The following ELAVL4 variants were observed in gnomAD, a reference collection of about 807,000 sequenced individuals.
ELAVL4 encodes the protein ELAV-like protein 4.
ELAVL4 carries 1 observed loss-of-function variant against 35.6 expected under a neutral mutation model. The observed-to-expected ratio is 0.03, with a 90% CI of 0.01 to 0.13. The LOEUF (loss-of-function observed/expected upper bound fraction) is 0.13, where lower values mean the gene tolerates loss of function less well. ELAVL4 is among the 10% of genes least tolerant of loss of function. The probability of loss-of-function intolerance (pLI) is 1.00; values close to 1 mark genes in which losing one functional copy is unlikely to be tolerated. For missense variants in ELAVL4, 267 were observed against 464.9 expected, an observed-to-expected ratio of 0.57 and a Z score of 3.91; for synonymous variants, 156 against 171.0, an observed-to-expected ratio of 0.91 and a Z score of 0.69.
chr1:50,147,732 A>G (rs904864045), intron 2 of ELAVL4, among the ~76,000 whole-genome samples: 1 of 152,160 alleles, frequency 6.6e-6, no homozygotes, highest in African/African-American at 2.4e-5. Flanking sequence ...ATCTCAATGC[A>G]TCTCGATCCT....
chr1:50,200,884 C>T lies in ELAVL4; in HGVS notation c.807C>T (p.Ser269=). 6.2e-7 allele frequency: 1 copy of T among 1,613,910 alleles called. No homozygotes were observed. Residue 269 remains serine (S), a synonymous_variant, in exon 7 of 7, where the codon AGC becomes AGT. Transcript: ENST00000371824. The part of the protein sequence containing the change: ...FSPITIDGMT[S]LVGMNIPGHT... ...CAATTACCATTGATGGAATGACAAGCCTTGTGGGAATGAACATCCCTGGTC... is the reference window on the plus strand; with the variant it reads ...CAATTACCATTGATGGAATGACAAGTCTTGTGGGAATGAACATCCCTGGTC...
intron 1 of ELAVL4, among the ~76,000 whole-genome samples, chr1:50,066,135 G>A (rs1664252203): frequency 1.3e-5 from 2 of 152,106 alleles, no homozygotes; most frequent in Non-Finnish European, 2.9e-5. Flanking sequence ...TAGTTTTGCA[G>A]TTGATCTACC....
intron 2 of ELAVL4, among the ~76,000 whole-genome samples, chr1:50,166,411 T>C (rs1202899580): frequency 6.6e-6 from 1 of 152,198 alleles, no homozygotes; most frequent in African/African-American, 2.4e-5. Context: ...ATAAATCTTA[T>C]GTCACATGAT....
intron 2 of ELAVL4, among the ~76,000 whole-genome samples, chr1:50,161,642 G>A (rs1197047661): frequency 6.6e-6 from 1 of 152,192 alleles, no homozygotes; most frequent in African/African-American, 2.4e-5. Flanking sequence ...GTCATTTGGA[G>A]CAATTTATTT....
intron 1 of ELAVL4, among the ~76,000 whole-genome samples, chr1:50,059,183 C>A (rs1485029205): frequency 1.3e-5 from 2 of 152,094 alleles, no homozygotes; most frequent in Non-Finnish European, 2.9e-5. Flanking sequence ...AAATATCAAT[C>A]ATATTTCTCT....
intron 1 of ELAVL4, among the ~76,000 whole-genome samples, chr1:50,079,219 A>T (rs1350778530): frequency 6.6e-6 from 1 of 152,032 alleles, no homozygotes; most frequent in Non-Finnish European, 1.5e-5. Flanking sequence ...GTGCCACTAC[A>T]CCTAGCTCTC....
intron 1 of ELAVL4, among the ~76,000 whole-genome samples, chr1:50,129,956 A>G (rs1473456488): frequency 6.6e-6 from 1 of 152,120 alleles, no homozygotes; most frequent in Non-Finnish European, 1.5e-5. Flanking sequence ...GACAGATAGA[A>G]TTGTTCACAT....
chr1:50,192,350 G>A (rs932573415), intron 3 of ELAVL4, among the ~76,000 whole-genome samples: 4 of 152,136 alleles, frequency 2.6e-5, no homozygotes, highest in Non-Finnish European at 4.4e-5. Flanking sequence ...AAGGGGGAGA[G>A]TGCCATGGAT....
chr1:50,190,885 G>A (rs569609725), intron 3 of ELAVL4, among the ~76,000 whole-genome samples: 5 of 152,126 alleles, frequency 3.3e-5, no homozygotes, highest in South Asian at 2.1e-4. Context: ...ATTTGTCCTC[G>A]TGACAGAGGA....
chr1:50,088,374 T>C (rs1267028552), intron 1 of ELAVL4, among the ~76,000 whole-genome samples: 1 of 152,184 alleles, frequency 6.6e-6, no homozygotes. Flanking sequence ...GACTTATTCA[T>C]TAACATTTGT....
chr1:50,171,451 A>G (rs1490377302), intron 2 of ELAVL4, among the ~76,000 whole-genome samples: 1 of 152,140 alleles, frequency 6.6e-6, no homozygotes, highest in Non-Finnish European at 1.5e-5. Context: ...CTCAAGCCTC[A>G]CTTTCCTTAT....
intron 2 of ELAVL4, among the ~76,000 whole-genome samples, chr1:50,160,820 G>A (rs1676669375): frequency 6.6e-6 from 1 of 152,216 alleles, no homozygotes; most frequent in Non-Finnish European, 1.5e-5. Flanking sequence ...TCTGTGCCAA[G>A]CCCTCTCACA....
chr1:50,170,108 C>T (rs553556871), intron 2 of ELAVL4, among the ~76,000 whole-genome samples: 88 of 152,190 alleles, frequency 5.8e-4, no homozygotes, highest in African/African-American at 2.0e-3. Context: ...AAGAAGGTTG[C>T]GGTTTCATTG....
rs570584682 is a variant in ELAVL4 at position 50,183,396 on chromosome 1, G to A, written c.354+6204G>A. ...GTTAGCACTCAGGCAGGCAGCCGGT[G>A]AGAGAATAAGAAAGACACTTAGCCA... On this transcript the variant is annotated intron_variant, in intron 3 of 6. Transcript: ENST00000371824. Among the ~76,000 whole-genome samples the A allele has an allele frequency of 6.2e-4, 94 of 152,246 alleles. 1 individual carries two copies. Among genetic ancestry groups the A allele is most frequent in the African/African-American group, 2.0e-3 (85 of 41,548 alleles).
chr1:50,145,386 G>C (rs1273869081), intron 2 of ELAVL4, among the ~76,000 whole-genome samples, 189 bp downstream of exon 2: 7 of 152,184 alleles, frequency 4.6e-5, no homozygotes, highest in Admixed American at 4.6e-4. Flanking sequence ...CTGCTGGGGA[G>C]CAGATGAAGA....
intron 2 of ELAVL4, among the ~76,000 whole-genome samples, chr1:50,150,547 G>A (rs1016964731): frequency 6.6e-6 from 1 of 152,150 alleles, no homozygotes; most frequent in Non-Finnish European, 1.5e-5. Flanking sequence ...GGACCACAGC[G>A]GTGGCCACAG....
chr1:50,091,932 C>T (rs1665514134), intron 1 of ELAVL4, among the ~76,000 whole-genome samples: 1 of 152,144 alleles, frequency 6.6e-6, no homozygotes, highest in African/African-American at 2.4e-5. Context: ...ACCCAAATCT[C>T]TATACTTCCA....
At position 50,114,247 on chromosome 1, in the gene ELAVL4, G is replaced by A. The variant is rs567365825; in HGVS notation, c.9+5049G>A. Among the ~76,000 whole-genome samples, 225 of 152,042 alleles carry A rather than the reference G, an allele frequency of 1.5e-3. 1 individual carries two copies. The highest frequency in any genetic ancestry group is 5.1e-3 in the African/African-American group (210 of 41,498). Reference sequence around the variant, plus strand: ...GGATATGTGTATATGTATGGGGGGCGGTGGGCAGGATGTTTTTCTTTGAGG... The same window carrying A: ...GGATATGTGTATATGTATGGGGGGCAGTGGGCAGGATGTTTTTCTTTGAGG... On this transcript the variant is annotated intron_variant, in intron 1 of 6. Transcript: ENST00000371824.
At chr1:50,049,373 A>G (rs1221739268) in intron 1 of ELAVL4, among the ~76,000 whole-genome samples, 2 of 152,194 alleles carry the variant, frequency 1.3e-5, no homozygotes. Flanking sequence ...AATAAGTTTG[A>G]TGTTTTAAGT....
Sources: gnomAD v4.1 joint callset for allele counts (sites outside exome capture counted in the v4.1 genomes callset) on GRCh38, gnomAD v4.1.1 for gene constraint, MANE v1.5 for transcripts, NCBI Gene and HGNC (gene_info 2026-07-23, HGNC 2026-07-21) for gene names.